CMC1: variants seen among roughly 807,000 people sequenced by gnomAD.
CMC1 encodes C-X9-C motif containing 1.
Under a neutral mutation model 14.1 loss-of-function variants are expected in CMC1, and 14 were observed. The ratio of observed to expected loss-of-function variants is 0.99; its 90% CI spans 0.66 to 1.55. The LOEUF (loss-of-function observed/expected upper bound fraction) is 1.55, where lower values mean the gene tolerates loss of function less well. CMC1 is among the 40% of genes most tolerant of loss of function. The pLI, the probability that CMC1 is intolerant of heterozygous loss-of-function variation, is 0.00. For synonymous variants in CMC1, 50 were observed against 38.4 expected (o/e 1.30, Z -1.12); for missense variants, 127 against 123.8 (o/e 1.03, Z -0.12).
intron 2 of CMC1, among the ~76,000 whole-genome samples, chr3:28,272,252 C>T (rs1246636033): frequency 6.6e-6 from 1 of 152,046 alleles, no homozygotes; most frequent in African/African-American, 2.4e-5. Flanking sequence ...ATTTCCAATA[C>T]TGTGTTGAAA....
intron 2 of CMC1, among the ~76,000 whole-genome samples, chr3:28,286,873 T>C (rs1701211052): frequency 6.6e-6 from 1 of 151,650 alleles, no homozygotes; most frequent in African/African-American, 2.4e-5. Flanking sequence ...TGTGGGAGCC[T>C]ATTTTTCATT....
chr3:28,276,458 C>T (rs1700594611), intron 2 of CMC1, among the ~76,000 whole-genome samples: 1 of 151,840 alleles, frequency 6.6e-6, no homozygotes, highest in Non-Finnish European at 1.5e-5. Flanking sequence ...AATGTCATAG[C>T]TTTTTTACTA....
intron 2 of CMC1, among the ~76,000 whole-genome samples, chr3:28,286,084 C>T (rs17638782): frequency 0.23 from 34,901 of 151,844 alleles, 4,478 homozygotes; most frequent in Middle Eastern, 0.3. Flanking sequence ...TTTATGCTAC[C>T]TTTTTTGGTA....
intron 1 of CMC1, among the ~76,000 whole-genome samples, chr3:28,262,572 G>C (rs889508756): frequency 6.6e-6 from 1 of 152,036 alleles, no homozygotes; most frequent in African/African-American, 2.4e-5. Context: ...TTTGGCATGC[G>C]TGTTTTTCCT....
At chr3:28,292,663 G>GTA in intron 2 of CMC1, 1 of 152,108 alleles carries the variant, frequency 6.6e-6, no homozygotes, top group Non-Finnish European at 1.5e-5. Flanking sequence ...GATGTGGTTA[G>GTA]TATATAATAG....
At chr3:28,262,198 C>T (rs948694647) in intron 1 of CMC1, among the ~76,000 whole-genome samples, 1 of 152,112 alleles carries the variant, frequency 6.6e-6, no homozygotes, top group Admixed American at 6.6e-5. Flanking sequence ...TTTATGTAGG[C>T]AGTGTTTATT....
At chr3:28,264,324 C>T (rs1033385804) in intron 2 of CMC1, among the ~76,000 whole-genome samples, 2 of 152,130 alleles carry the variant, frequency 1.3e-5, no homozygotes, top group East Asian at 1.9e-4. Flanking sequence ...GGGTCAATAA[C>T]ATTTGGATAC....
At chr3:28,299,390 A>G (rs1295302887) in intron 2 of CMC1, among the ~76,000 whole-genome samples, 1 of 152,160 alleles carries the variant, frequency 6.6e-6, no homozygotes, top group Non-Finnish European at 1.5e-5. Flanking sequence ...TGGAGGTATT[A>G]GATATTCAGT....
chr3:28,282,397 A>G (rs1700947285), intron 2 of CMC1, among the ~76,000 whole-genome samples: 1 of 152,222 alleles, frequency 6.6e-6, no homozygotes, highest in South Asian at 2.1e-4. Context: ...TCCTACAGAG[A>G]TAACTGAACA....
rs569721333 is a variant in CMC1 at position 28,241,949 on chromosome 3, C to T, written c.19+137C>T. 7 of 907,838 alleles carry T rather than the reference C, an allele frequency of 7.7e-6. No homozygotes were observed. The Admixed American group carries it at 1.7e-4, about 22-fold the overall frequency. 56.2% of individuals were successfully genotyped at this position (907,838 alleles called of 1,614,324 possible). A position where few individuals can be genotyped will look rare whatever the true frequency, so the allele number is the denominator to read the frequency against. On this transcript the variant is annotated intron_variant, in intron 1 of 3. Transcript: ENST00000466830. ...GCTTCCACCAGCGTCTCCTCATACCCGGCGGCTGCTTCGCCCGGTCTGAGG... is the reference window on the plus strand; with the variant it reads ...GCTTCCACCAGCGTCTCCTCATACCTGGCGGCTGCTTCGCCCGGTCTGAGG...
At chr3:28,270,809 G>C (rs147806592) in intron 2 of CMC1, among the ~76,000 whole-genome samples, 1 of 151,290 alleles carries the variant, frequency 6.6e-6, no homozygotes, top group Non-Finnish European at 1.5e-5. Context: ...TGGCATTTTC[G>C]TCATGAAATT....
intron 2 of CMC1, among the ~76,000 whole-genome samples, chr3:28,287,728 T>G (rs1026269656): frequency 2.6e-5 from 4 of 151,784 alleles, no homozygotes; most frequent in African/African-American, 9.7e-5. Flanking sequence ...AGCTTTTCTA[T>G]TTTTTTCCTG....
intron 2 of CMC1, among the ~76,000 whole-genome samples, chr3:28,274,936 C>G (rs1002147634): frequency 1.3e-5 from 2 of 152,076 alleles, no homozygotes; most frequent in Non-Finnish European, 2.9e-5. Flanking sequence ...TTTTTCAGCT[C>G]CATCAGGTCC....
intron 2 of CMC1, among the ~76,000 whole-genome samples, chr3:28,264,331 A>G (rs1699894641): frequency 6.6e-6 from 1 of 152,120 alleles, no homozygotes; most frequent in African/African-American, 2.4e-5. Context: ...TAACATTTGG[A>G]TACTAGGAAC....
intron 2 of CMC1, chr3:28,294,329 A>G (rs936120718): frequency 2.9e-5 from 5 of 172,084 alleles, no homozygotes; most frequent in African/African-American, 1.2e-4. Flanking sequence ...TTTCTTACGG[A>G]ATAGGCTTCT....
intron 2 of CMC1, among the ~76,000 whole-genome samples, chr3:28,299,794 A>C (rs1255402301): frequency 6.6e-6 from 1 of 152,128 alleles, no homozygotes. Context: ...TGAGCAATTC[A>C]GAAGTATTTT....
chr3:28,247,169 A>G (rs1448763093), intron 1 of CMC1, among the ~76,000 whole-genome samples: 3 of 152,054 alleles, frequency 2.0e-5, no homozygotes, highest in Non-Finnish European at 2.9e-5. Flanking sequence ...TCACTGCTTC[A>G]TCTTGTACCT....
chr3:28,289,007 A>C (rs1408769936), intron 2 of CMC1, among the ~76,000 whole-genome samples: 1 of 151,430 alleles, frequency 6.6e-6, no homozygotes, highest in Non-Finnish European at 1.5e-5. Flanking sequence ...AGGTTTAAAA[A>C]CATATTTCCA....
intron 2 of CMC1, among the ~76,000 whole-genome samples, chr3:28,309,480 C>T (rs1702510243): frequency 6.6e-6 from 1 of 152,048 alleles, no homozygotes; most frequent in Non-Finnish European, 1.5e-5. Context: ...CTTGACTCGT[C>T]CTTCTATTAC....
Sources: allele counts gnomAD v4.1 joint callset (sites outside exome capture counted in the v4.1 genomes callset), GRCh38; gene constraint gnomAD v4.1.1; transcripts MANE v1.5; gene names NCBI Gene and HGNC (gene_info 2026-07-23, HGNC 2026-07-21).